The following EIF5B variants were observed in gnomAD, a reference collection of about 807,000 sequenced individuals.
EIF5B encodes eukaryotic translation initiation factor 5B.
A neutral mutation model predicts 147.5 loss-of-function variants in EIF5B; 47 were observed. The ratio of observed to expected loss-of-function variants is 0.32; its 90% CI spans 0.25 to 0.41. The LOEUF is 0.41. EIF5B is among the 10% of genes least tolerant of loss of function. The probability of loss-of-function intolerance (pLI) is 1.00; values close to 1 mark genes in which losing one functional copy is unlikely to be tolerated. For missense variants in EIF5B, 1,064 were observed against 1,413.2 expected (o/e 0.75, Z 3.96); for synonymous variants, 455 against 456.2 (o/e 1.00, Z 0.03).
chr2:99,371,058 C>G (rs1022556803), intron 8 of EIF5B: 1 of 151,936 alleles, frequency 6.6e-6, no homozygotes, highest in Non-Finnish European at 1.5e-5. Context: ...TTTTCAAGAT[C>G]TAAAGAAACA....
intron 14 of EIF5B, among the ~76,000 whole-genome samples, chr2:99,386,069 T>G (rs1432874461): frequency 6.6e-6 from 1 of 152,240 alleles, no homozygotes; most frequent in Non-Finnish European, 1.5e-5. Context: ...TTCCTTTTTA[T>G]TTTTGAATAG....
At position 99,337,399 on chromosome 2, in the gene EIF5B, T is replaced by C. The variant is rs2094245256; in HGVS notation, c.-156T>C. 2.2e-6 allele frequency: 2 copies of C among 898,862 alleles called. No homozygotes were observed. The highest frequency in any genetic ancestry group is 1.4e-5 in the South Asian group (1 of 69,324). The allele number at this position is 898,862 out of a possible 1,614,324, so 55.7% of individuals were successfully genotyped here. ...GCGCACTGAGAACTCACACCATATGTGTCCTGTTCCAGTGCGCGGGTCTGT... is the reference window on the plus strand; with the variant it reads ...GCGCACTGAGAACTCACACCATATGCGTCCTGTTCCAGTGCGCGGGTCTGT... On this transcript the variant is annotated 5_prime_UTR_variant, in exon 1 of 24. Transcript: ENST00000289371.
chr2:99,373,906 C>G (rs1286606155), intron 9 of EIF5B, among the ~76,000 whole-genome samples: 1 of 151,942 alleles, frequency 6.6e-6, no homozygotes, highest in East Asian at 1.9e-4. Flanking sequence ...TAGCAAGTAC[C>G]TTTGAACTAA....
intron 1 of EIF5B, among the ~76,000 whole-genome samples, chr2:99,358,822 AGCAGAT>A (rs971206978): frequency 2.6e-5 from 4 of 152,332 alleles, no homozygotes; most frequent in Admixed American, 2.6e-4. Flanking sequence ...CCACCACTGC[AGCAGAT>A]CAGTGTCAAA....
Position 99,400,247 on chromosome 2 carries a change from A to G in EIF5B, c.*833A>G, listed in dbSNP as rs1559264518. 1 of 150,750 alleles carries G rather than the reference A, an allele frequency of 6.6e-6. No homozygotes were observed. 9.3% of individuals were successfully genotyped at this position (150,750 alleles called of 1,614,324 possible). A position where few individuals can be genotyped will look rare whatever the true frequency, so the allele number is the denominator to read the frequency against. On this transcript the variant is annotated 3_prime_UTR_variant, in exon 24 of 24. Transcript: ENST00000289371. The stretch of plus-strand genomic sequence containing the variant: ...TGTTTTAATCTTGATCTGTTTTAGT[A>G]GAGATTTTTATACATTAATCTTGAT...
chr2:99,380,248 C>G (rs756832699), intron 12 of EIF5B, among the ~76,000 whole-genome samples: 10 of 151,958 alleles, frequency 6.6e-5, no homozygotes, highest in Non-Finnish European at 1.2e-4. Context: ...GACAGGGTCT[C>G]CCTATGTTGC....
At chr2:99,364,146 G>C (rs1437814532) in intron 5 of EIF5B, 125 bp from the exon 6 acceptor site, 10 of 1,300,304 alleles carry the variant, frequency 7.7e-6, no homozygotes, top group Non-Finnish European at 1.0e-5. Context: ...CTTTGATTTG[G>C]AATCTCCTAA....
Position 99,370,146 on chromosome 2 carries a change from G to A in EIF5B, c.1477+665G>A, listed in dbSNP as rs574415265. The stretch of plus-strand genomic sequence containing the variant: ...AACTTTTTAAGAACCATAAAAATTG[G>A]CATTTTTAGACCTTCCTAAAGGTCG... On this transcript the variant is annotated intron_variant, in intron 8 of 23. Coordinates refer to ENST00000289371, the MANE Select transcript of EIF5B (RefSeq NM_015904.4). Among the ~76,000 whole-genome samples the A allele has an allele frequency of 1.2e-4, 18 of 152,188 alleles. No individual in the cohort carries two copies. In the East Asian group the frequency reaches 1.4e-3, roughly 11 times the overall value.
At chr2:99,357,322 G>A (rs6742516) in intron 1 of EIF5B, among the ~76,000 whole-genome samples, 2,634 of 152,272 alleles carry the variant, frequency 0.017, 80 homozygotes, top group African/African-American at 0.06. Context: ...TAGGAAGGCA[G>A]TAGAACCTGG....
chr2:99,396,956 A>G (rs1675062828), intron 22 of EIF5B, 58 bp downstream of exon 22: 1 of 1,549,308 alleles, frequency 6.5e-7, no homozygotes, highest in Non-Finnish European at 8.7e-7. Context: ...TGAGTGTCCA[A>G]GAGTCGTACC....
At chr2:99,353,527 C>A (rs1156418751) in intron 1 of EIF5B, among the ~76,000 whole-genome samples, 1 of 152,154 alleles carries the variant, frequency 6.6e-6, no homozygotes, top group Non-Finnish European at 1.5e-5. Flanking sequence ...CATTTGTACT[C>A]TTTGTGTTTG....
chr2:99,367,912 G>A (rs961895447), intron 6 of EIF5B, among the ~76,000 whole-genome samples: 1 of 152,152 alleles, frequency 6.6e-6, no homozygotes, highest in Admixed American at 6.5e-5. Context: ...ACAGAAACCT[G>A]TCTGAAAATG....
chr2:99,381,253 C>T (rs1009039673), intron 12 of EIF5B, among the ~76,000 whole-genome samples: 2 of 152,116 alleles, frequency 1.3e-5, no homozygotes, highest in Admixed American at 6.5e-5. Flanking sequence ...CTTGAACTCT[C>T]GTTGTTATTT....
At chr2:99,339,513 A>G (rs1235711396) in intron 1 of EIF5B, among the ~76,000 whole-genome samples, 1 of 151,926 alleles carries the variant, frequency 6.6e-6, no homozygotes, top group Non-Finnish European at 1.5e-5. Context: ...TGTTCTTTAG[A>G]TTAAAATTAC....
chr2:99,373,158 G>A (rs370739734), intron 9 of EIF5B, among the ~76,000 whole-genome samples: 1 of 152,102 alleles, frequency 6.6e-6, no homozygotes. Flanking sequence ...AGGTACACGA[G>A]CTTTGATTTA....
intron 1 of EIF5B, among the ~76,000 whole-genome samples, chr2:99,347,278 A>G (rs2094275362): frequency 6.6e-6 from 1 of 152,198 alleles, no homozygotes; most frequent in African/African-American, 2.4e-5. Context: ...AAGTGTTGGG[A>G]TTACAGGCAT....
intron 2 of EIF5B, 29 bp from the exon 3 acceptor site, chr2:99,360,436 C>T: frequency 6.2e-7 from 1 of 1,608,082 alleles, no homozygotes. Flanking sequence ...TATACCAGTG[C>T]TTCACAATGT....
At position 99,393,103 on chromosome 2, in the gene EIF5B, G is replaced by A. The variant is rs756311164; in HGVS notation, c.2880+5G>A. 2.6e-6 allele frequency: 4 copies of A among 1,519,398 alleles called. No homozygotes were observed. The highest frequency in any genetic ancestry group is 2.6e-5 in the South Asian group (2 of 76,848). 94.1% of individuals were successfully genotyped at this position (1,519,398 alleles called of 1,614,324 possible). A position where few individuals can be genotyped will look rare whatever the true frequency, so the allele number is the denominator to read the frequency against. ...GATGAAATCCCTGTTCTTAAAGTAA[G>A]TTCATTTAAAAATTTTTTTCCTTAA... On this transcript the variant is annotated splice_donor_5th_base_variant and intron_variant, in intron 18 of 23. Coordinates refer to ENST00000289371, the MANE Select transcript of EIF5B (RefSeq NM_015904.4).
chr2:99,383,262 TTG>T (rs1674729806), intron 14 of EIF5B, among the ~76,000 whole-genome samples: 1 of 152,188 alleles, frequency 6.6e-6, no homozygotes, highest in African/African-American at 2.4e-5. Context: ...TAAATGATCT[TTG>T]TTATTTTAAT....
Sources: gnomAD v4.1 joint callset for allele counts (sites outside exome capture counted in the v4.1 genomes callset) on GRCh38, gnomAD v4.1.1 for gene constraint, MANE v1.5 for transcripts, NCBI Gene and HGNC (gene_info 2026-07-23, HGNC 2026-07-21) for gene names.